Variants in SGSH observed in about 807,000 individuals in gnomAD.
The protein encoded by SGSH is heparan sulfate sulfatase.
A neutral mutation model predicts 51.0 loss-of-function variants in SGSH; 48 were observed. That is an observed-to-expected ratio of 0.94 (90% CI 0.75 to 1.20). The LOEUF (loss-of-function observed/expected upper bound fraction) is 1.20. SGSH is among the 50% of genes most tolerant of loss of function. SGSH has a pLI of 0.00. For missense variants in SGSH, 662 were observed against 717.8 expected (o/e 0.92, Z 0.89); for synonymous variants, 321 against 313.4 (o/e 1.02, Z -0.26).
At chr17:80,207,215 G>C, downstream of SGSH, 1 of 619,028 alleles carries the variant, frequency 1.6e-6, no homozygotes, top group South Asian at 2.0e-5. Flanking sequence ...GGCCGTTTCC[G>C]CACAACTTTG....
Position 80,217,154 on chromosome 17 carries a change from T to G in SGSH, c.127A>C (p.Ser43Arg). The change falls in exon 2 of 8, where the codon AGC (serine) becomes CGC (arginine). Residue 43 changes from serine to arginine, a missense_variant. Transcript: ENST00000326317. Reference sequence around the variant, plus strand: ...TCCAGGTGCGGGGTGGCGATGGCGCTGTTGTTGTACGCGCCACTCTCAAAG... The same window carrying G: ...TCCAGGTGCGGGGTGGCGATGGCGCGGTTGTTGTACGCGCCACTCTCAAAG... ...GGFESGAYNN[S>R]AIATPHLDAL... 1 of 1,601,228 alleles carries G rather than the reference T, an allele frequency of 6.2e-7. No homozygotes were observed. Among genetic ancestry groups the G allele is most frequent in the East Asian group, 2.2e-5 (1 of 44,460 alleles).
At chr17:80,217,679 C>CTGAT (rs1279700296) in intron 1 of SGSH, among the ~76,000 whole-genome samples, 1 of 150,182 alleles carries the variant, frequency 6.7e-6, no homozygotes. Context: ...GGAGGCTGGA[C>CTGAT]TGATAGATGG....
downstream of SGSH, chr17:80,205,380 G>A (rs2041241794): frequency 8.4e-7 from 1 of 1,184,614 alleles, no homozygotes; most frequent in Admixed American, 2.2e-5. Flanking sequence ...CACAGAGCGG[G>A]GTGTGCAGGG....
downstream of SGSH, chr17:80,205,261 C>CCCCTTCCTCCCTCCTT (rs2041230565): frequency 7.0e-6 from 10 of 1,421,064 alleles, no homozygotes; most frequent in Non-Finnish European, 7.8e-6. Context: ...CCTCCCTCCT[C>CCCCTTCCTCCCTCCTT]CCCTTCCTCC....
downstream of SGSH, chr17:80,202,533 A>T: frequency 6.7e-7 from 1 of 1,495,164 alleles, no homozygotes; most frequent in Admixed American, 2.0e-5. Flanking sequence ...GCGTGGTGAG[A>T]CCCCCCTAAG....
downstream of SGSH, chr17:80,203,709 G>T: frequency 2.9e-6 from 2 of 700,954 alleles, no homozygotes; most frequent in South Asian, 3.6e-5. This position sits in a 1 kb window ranked among gnomAD's most constrained non-coding sequence, Gnocchi z 4.6. Flanking sequence ...GCTCTAGGTG[G>T]AGGCCCTTCT....
downstream of SGSH, chr17:80,208,906 G>A (rs2041502047): frequency 6.6e-6 from 1 of 152,314 alleles, no homozygotes; most frequent in African/African-American, 2.4e-5. Flanking sequence ...GATGCCTCAG[G>A]AACTCCAGTT....
chr17:80,208,363 C>T (rs775159366), downstream of SGSH: 16 of 1,566,612 alleles, frequency 1.0e-5, no homozygotes, highest in African/African-American at 2.7e-5. Context: ...TGCCCCTTCC[C>T]GGGACTGTGG....
chr17:80,205,246 C>T, downstream of SGSH: 5 of 1,485,824 alleles, frequency 3.4e-6, no homozygotes, highest in Non-Finnish European at 4.6e-6. Context: ...CTTCCACCTT[C>T]CCTCCCTCCC....
Sources: gnomAD v4.1 joint callset for allele counts (sites outside exome capture counted in the v4.1 genomes callset) on GRCh38, gnomAD v4.1.1 for gene constraint, Gnocchi (gnomAD v3.1) non-coding constraint, MANE v1.5 for transcripts, NCBI Gene and HGNC (gene_info 2026-07-23, HGNC 2026-07-21) for gene names.